LCK: variants seen among roughly 807,000 people sequenced by gnomAD.
LCK encodes LCK proto-oncogene, Src family tyrosine kinase.
Under a neutral mutation model 64.6 loss-of-function variants are expected in LCK, and 14 were observed. The observed-to-expected ratio is 0.22, with a 90% CI of 0.14 to 0.34. The LOEUF (loss-of-function observed/expected upper bound fraction) is 0.34. Ranked by LOEUF, LCK falls within the 10% of genes least tolerant of loss-of-function variation. LCK has a pLI of 1.00. For synonymous variants in LCK, 277 were observed against 263.6 expected, an observed-to-expected ratio of 1.05 and a Z score of -0.49; for missense variants, 434 against 668.1, an observed-to-expected ratio of 0.65 and a Z score of 3.86.
At position 32,274,963 on chromosome 1, in the gene LCK, G is replaced by T. The variant is rs192341595; in HGVS notation, c.188-30G>T. ...CCAGGCTTCCTGCCGATCCCAGCTC[G>T]GTTCTCCCTGATGCCCCTTGTCTTT... On this transcript the variant is annotated intron_variant, in intron 3 of 12. Coordinates refer to ENST00000336890, the MANE Select transcript of LCK (RefSeq NM_005356.5). 1.7e-4 allele frequency: 272 copies of T among 1,614,074 alleles called. No homozygotes were observed. The African/African-American group carries it at 3.3e-3, about 20-fold the overall frequency.
chr1:32,274,647 G>A (rs1640198761), intron 2 of LCK, 90 bp from the exon 3 acceptor site: 1 of 1,125,564 alleles, frequency 8.9e-7, no homozygotes, highest in African/African-American at 1.6e-5. Flanking sequence ...AACCAGGCTG[G>A]AGAGGCTGAG....
rs778300098 is a variant in LCK, at chr1:32,276,369, C to T, written c.664C>T (p.Arg222Cys). 7 of 1,609,956 alleles carry T rather than the reference C, an allele frequency of 4.3e-6. No individual in the cohort carries two copies. The highest frequency in any genetic ancestry group is 2.2e-5 in the South Asian group (2 of 90,656). ...AGATGGGCTGTGCACACGGTTGAGCCGCCCCTGCCAGACCCAGAAGCCCCA... is the reference window on the plus strand; with the variant it reads ...AGATGGGCTGTGCACACGGTTGAGCTGCCCCTGCCAGACCCAGAAGCCCCA... ...ASDGLCTRLS[R>C]PCQTQKPQKP... Residue 222 changes from arginine (R) to cysteine (C), a missense_variant, in exon 8 of 13, where the codon CGC (arginine) becomes TGC (cysteine). Physicochemically the swap from Arg to Cys is radical, Grantham distance 180. Coordinates refer to ENST00000336890, the MANE Select transcript of LCK (RefSeq NM_005356.5). This position sits in a 1 kb window ranked among gnomAD's most constrained non-coding sequence, Gnocchi z 4.6.
intron 1 of LCK, among the ~76,000 whole-genome samples, chr1:32,252,026 T>G (rs573090238): frequency 1.3e-5 from 2 of 152,030 alleles, no homozygotes; most frequent in South Asian, 4.2e-4. Context: ...GGGCGTGAAC[T>G]GATATGTGTG....
intron 1 of LCK, among the ~76,000 whole-genome samples, chr1:32,255,888 C>T (rs1038956392): frequency 6.7e-6 from 1 of 149,550 alleles, no homozygotes; most frequent in African/African-American, 2.5e-5. Flanking sequence ...TGTAACTTCA[C>T]ACACCTGGGC....
chr1:32,259,180 T>C (rs535528366), intron 1 of LCK, among the ~76,000 whole-genome samples: 13 of 151,262 alleles, frequency 8.6e-5, no homozygotes, highest in African/African-American at 3.2e-4. Context: ...GTGGATTGCT[T>C]AAGCTCAGGA....
rs1486428010 is a variant in LCK, at chr1:32,274,344, C to G, written c.15C>G (p.Cys5Trp). The change falls in exon 2 of 13, where the codon TGC (cysteine) becomes TGG (tryptophan). Residue 5 changes from cysteine to tryptophan, a missense_variant. This residue lies in a region of LCK where 233 missense variants were observed against 291.2 expected (regional missense o/e 0.80). Transcript: ENST00000336890. Reference sequence around the variant, plus strand: ...CCTCAGGGACCATGGGCTGTGGCTGCAGCTCACACCCGGAAGATGACTGGA... The same window carrying G: ...CCTCAGGGACCATGGGCTGTGGCTGGAGCTCACACCCGGAAGATGACTGGA... MGCG[C>W]SSHPEDDWME... 6.2e-7 allele frequency: 1 copy of G among 1,614,154 alleles called. No individual in the cohort carries two copies. The highest frequency in any genetic ancestry group is 1.1e-5 in the South Asian group (1 of 91,092).
At position 32,275,686 on chromosome 1, in the gene LCK, G is replaced by T. The variant is rs1253746457; in HGVS notation, c.481+14G>T. 1.9e-6 allele frequency: 3 copies of T among 1,550,570 alleles called. No individual in the cohort carries two copies. The highest frequency in any genetic ancestry group is 2.7e-5 in the African/African-American group (2 of 73,374). On this transcript the variant is annotated intron_variant, in intron 6 of 12. Transcript: ENST00000336890. The surrounding 1 kb of genome is among the most constrained non-coding windows in gnomAD (Gnocchi z 6.9). ...AGAGCACCGCGGGTGAGCGGGCGGC[G>T]GTCTCGACCGGGCGCGGGGGTGCCC...
chr1:32,276,126 G>T lies in LCK; in HGVS notation c.631+63G>T. 1.3e-6 allele frequency: 2 copies of T among 1,580,786 alleles called. No homozygotes were observed. The highest frequency in any genetic ancestry group is 1.7e-6 in the Non-Finnish European group (2 of 1,153,526). On this transcript the variant is annotated intron_variant, in intron 7 of 12. Coordinates refer to ENST00000336890, the MANE Select transcript of LCK (RefSeq NM_005356.5). This position sits in a 1 kb window ranked among gnomAD's most constrained non-coding sequence, Gnocchi z 4.6. ...CCTATCTCCCCTCAGTCCCCCTCAGGTGTCCCCCATCCATCTTTCAATGCC... is the reference window on the plus strand; with the variant it reads ...CCTATCTCCCCTCAGTCCCCCTCAGTTGTCCCCCATCCATCTTTCAATGCC...
At position 32,279,858 on chromosome 1, in the gene LCK, A is replaced by G. The variant is rs1465858584; in HGVS notation, c.1059A>G (p.Ala353=). The part of the protein sequence containing the change: ...DMAAQIAEGM[A]FIEERNYIHR... ...GCCTGCAGATTGCAGAAGGCATGGC[A>G]TTCATTGAAGAGCGGAATTATATTC... The change falls in exon 11 of 13, where the codon GCA becomes GCG. Residue 353 remains alanine, a synonymous_variant. Coordinates refer to ENST00000336890, the MANE Select transcript of LCK (RefSeq NM_005356.5). 5.0e-6 allele frequency: 8 copies of G among 1,614,234 alleles called. No homozygotes were observed. The highest frequency in any genetic ancestry group is 5.9e-6 in the Non-Finnish European group (7 of 1,180,046).
chr1:32,283,996 TCA>T (rs891490054), intron 12 of LCK, among the ~76,000 whole-genome samples: 22 of 151,786 alleles, frequency 1.4e-4, no homozygotes, highest in Non-Finnish European at 2.9e-4. Context: ...TTCTCCTGCC[TCA>T]GTCTCTCGGG....
chr1:32,258,993 C>T (rs1639697919), intron 1 of LCK, among the ~76,000 whole-genome samples: 1 of 149,890 alleles, frequency 6.7e-6, no homozygotes, highest in African/African-American at 2.5e-5. Context: ...CACTGCACTC[C>T]AGTCTGGGCC....
chr1:32,275,151 C>G lies in LCK; in HGVS notation c.278+68C>G. ...GCGGCGATCTCCGCGACCCGCAGCC[C>G]TCCTGCGGCCCTTGACCAGCTCGGG... On this transcript the variant is annotated intron_variant, in intron 4 of 12. Coordinates refer to ENST00000336890, the MANE Select transcript of LCK (RefSeq NM_005356.5). The surrounding 1 kb of genome is among the most constrained non-coding windows in gnomAD (Gnocchi z 6.9). 13 of 1,502,480 alleles carry G rather than the reference C, an allele frequency of 8.7e-6. No individual in the cohort carries two copies. Among genetic ancestry groups the G allele is most frequent in the Non-Finnish European group, 1.2e-5 (13 of 1,089,954 alleles). 93.1% of individuals were successfully genotyped at this position (1,502,480 alleles called of 1,614,324 possible). A position where few individuals can be genotyped will look rare whatever the true frequency, so the allele number is the denominator to read the frequency against.
At chr1:32,274,667 G>C (rs908330399) in intron 2 of LCK, 70 bp from the exon 3 acceptor site, 5 of 1,276,928 alleles carry the variant, frequency 3.9e-6, no homozygotes, top group Middle Eastern at 2.3e-4. Context: ...GAGCAGAGCA[G>C]GGGGGAAGGG....
chr1:32,280,455 T>TC, intron 12 of LCK, among the ~76,000 whole-genome samples: 1 of 121,968 alleles, frequency 8.2e-6, no homozygotes, highest in Non-Finnish European at 1.8e-5. Context: ...TTTTTTTTTT[T>TC]TTTTTTTTTT....
Position 32,275,205 on chromosome 1 carries a change from C to G in LCK, c.279-116C>G. On this transcript the variant is annotated intron_variant, in intron 4 of 12. Coordinates refer to ENST00000336890, the MANE Select transcript of LCK (RefSeq NM_005356.5). The surrounding 1 kb of genome is among the most constrained non-coding windows in gnomAD (Gnocchi z 6.9). ...GCCGCCCTTGGGACAAAATTCGAGG[C>G]TCAGTATTGCTGAGCCAGGGTTGGG... is the stretch of plus-strand genomic sequence containing the variant. The G allele has an allele frequency of 6.9e-7, 1 of 1,453,432 alleles. No individual in the cohort carries two copies. Among genetic ancestry groups the G allele is most frequent in the Non-Finnish European group, 9.6e-7 (1 of 1,041,058 alleles). The allele number at this position is 1,453,432 out of a possible 1,614,324, so 90.0% of individuals were successfully genotyped here.
rs1012931099 is a variant in LCK, at chr1:32,275,528, G to A, written c.378-41G>A. 2 of 1,548,498 alleles carry A rather than the reference G, an allele frequency of 1.3e-6. No individual in the cohort carries two copies. The highest frequency in any genetic ancestry group is 1.8e-6 in the Non-Finnish European group (2 of 1,139,496). On this transcript the variant is annotated intron_variant, in intron 5 of 12. Coordinates refer to ENST00000336890, the MANE Select transcript of LCK (RefSeq NM_005356.5). The surrounding 1 kb of genome is among the most constrained non-coding windows in gnomAD (Gnocchi z 6.9). ...GCTTGAGGGCCACGGAGGAAGATCC[G>A]ACGACAGCCGACGGCCTTCGTTCGC...
chr1:32,263,854 G>C (rs566091358), intron 1 of LCK, among the ~76,000 whole-genome samples: 1 of 151,996 alleles, frequency 6.6e-6, no homozygotes, highest in African/African-American at 2.4e-5. Flanking sequence ...GGAGTTTGCA[G>C]TGAGCTGAGA....
At chr1:32,263,165 GC>G (rs1639824158) in intron 1 of LCK, among the ~76,000 whole-genome samples, 4 of 151,830 alleles carry the variant, frequency 2.6e-5, no homozygotes, top group African/African-American at 9.7e-5. Context: ...GCGGAGGTGG[GC>G]AGGCCACTTG....
intron 12 of LCK, among the ~76,000 whole-genome samples, chr1:32,282,598 G>A (rs963952618): frequency 6.6e-6 from 1 of 152,130 alleles, no homozygotes; most frequent in South Asian, 2.1e-4. Context: ...AAGGTGAGGA[G>A]TTTGAGACCA....
Sources: gnomAD v4.1 joint callset for allele counts (sites outside exome capture counted in the v4.1 genomes callset) on GRCh38, gnomAD v4.1.1 for gene constraint, gnomAD v4.1.1 regional missense constraint, Gnocchi (gnomAD v3.1) non-coding constraint, MANE v1.5 for transcripts, NCBI Gene and HGNC (gene_info 2026-07-23, HGNC 2026-07-21) for gene names.